ATP1A3: variants seen among roughly 807,000 people sequenced by gnomAD.
ATP1A3 encodes sodium/potassium-transporting ATPase subunit alpha-3.
In ATP1A3, 12 loss-of-function variants were observed where a neutral mutation model predicts 108.8. The ratio of observed to expected loss-of-function variants is 0.11; its 90% CI spans 0.07 to 0.18. The LOEUF (loss-of-function observed/expected upper bound fraction) is 0.18, where lower values mean the gene tolerates loss of function less well. ATP1A3 is among the 10% of genes least tolerant of loss of function. ATP1A3 has a pLI of 1.00. For missense variants in ATP1A3, 498 were observed against 1,387.7 expected (o/e 0.36, Z 10.19); for synonymous variants, 539 against 564.5 (o/e 0.95, Z 0.64).
intron 1 of ATP1A3, chr19:41,993,300 A>G: frequency 7.7e-7 from 1 of 1,293,290 alleles, no homozygotes; most frequent in Non-Finnish European, 1.1e-6. Flanking sequence ...ACAAGGACAC[A>G]CGGACACAGA....
Position 41,968,670 on chromosome 19 carries a change from T to C in ATP1A3, c.2819+115A>G. ...CAGTCTGGGTGACAGAGTGAGACCC[T>C]GCCTCAACAAAACAACAAAAAACCA... On this transcript the variant is annotated intron_variant, in intron 20 of 22. Transcript: ENST00000648268. The surrounding 1 kb of genome is among the most constrained non-coding windows in gnomAD (Gnocchi z 5.0). The C allele has an allele frequency of 6.6e-7, 1 of 1,510,732 alleles. No homozygotes were observed. The allele number at this position is 1,510,732 out of a possible 1,614,324, so 93.6% of individuals were successfully genotyped here. A position where few individuals can be genotyped will look rare whatever the true frequency, so the allele number is the denominator to read the frequency against.
At position 41,975,714 on chromosome 19, in the gene ATP1A3, G is replaced by A. The variant is rs782806766; in HGVS notation, c.2178C>T (p.Ile726=). The stretch of plus-strand genomic sequence containing the variant: ...CCTGCTTGGAGACGTCAGAGCCAGC[G>A]ATGCCCATGGCCACCCCAATGTCGG... The part of the protein sequence containing the change: ...KKADIGVAMG[I]AGSDVSKQAA... Residue 726 remains isoleucine, a synonymous_variant, in exon 16 of 23, where the codon ATC becomes ATT. Transcript: ENST00000648268. 1.7e-5 allele frequency: 28 copies of A among 1,613,998 alleles called. No homozygotes were observed. The Admixed American group carries it at 2.5e-4, about 14-fold the overall frequency.
intron 1 of ATP1A3, among the ~76,000 whole-genome samples, chr19:41,991,117 G>C (rs373309173): frequency 6.6e-6 from 1 of 152,156 alleles, no homozygotes; most frequent in African/African-American, 2.4e-5. Context: ...GGCAGTGTCC[G>C]AGGCTGGTGG....
Position 41,984,748 on chromosome 19 carries a change from C to T in ATP1A3, c.993+170G>A, listed in dbSNP as rs1333014381. The T allele has an allele frequency of 1.9e-5, 15 of 794,280 alleles. No homozygotes were observed. In the African/African-American group the frequency reaches 1.9e-4, roughly 10 times the overall value. 49.2% of individuals were successfully genotyped at this position (794,280 alleles called of 1,614,324 possible). A position where few individuals can be genotyped will look rare whatever the true frequency, so the allele number is the denominator to read the frequency against. Reference sequence around the variant, plus strand: ...TGATCCAGGCCCCCAGCCCCTTCTCCGGACCCAGGGGTCCAGATCCCAGCC... The same window carrying T: ...TGATCCAGGCCCCCAGCCCCTTCTCTGGACCCAGGGGTCCAGATCCCAGCC... On this transcript the variant is annotated intron_variant, in intron 8 of 22. Transcript: ENST00000648268.
rs782335069 is a variant in ATP1A3 at position 41,978,193 on chromosome 19, G to A, written c.1764C>T (p.Ala588=). Reference sequence around the variant, plus strand: ...GACACTTGCCCACCGCGTCAGGGACGGCTGCCCGGGGTGGGTCGATCATGG... The same window carrying A: ...GACACTTGCCCACCGCGTCAGGGACAGCTGCCCGGGGTGGGTCGATCATGG... ...LMSMIDPPRA[A]VPDAVGKCRS... is the part of the protein sequence containing the mutation. Residue 588 remains alanine (A), a synonymous_variant, in exon 13 of 23, where the codon GCC becomes GCT. Transcript: ENST00000648268. The surrounding 1 kb of genome is among the most constrained non-coding windows in gnomAD (Gnocchi z 8.3). The A allele has an allele frequency of 9.3e-6, 15 of 1,614,098 alleles. No homozygotes were observed. Among genetic ancestry groups the A allele is most frequent in the African/African-American group, 1.3e-5 (1 of 74,940 alleles).
At chr19:41,993,867 G>A in intron 1 of ATP1A3, 1 of 944,660 alleles carries the variant, frequency 1.1e-6, no homozygotes, top group South Asian at 1.7e-5. Context: ...CGCACACAAA[G>A]CCATGCCAAC....
intron 1 of ATP1A3, chr19:41,993,734 C>T: frequency 1.7e-6 from 1 of 602,142 alleles, no homozygotes; most frequent in South Asian, 2.0e-5. Context: ...CCACGGGGCC[C>T]ACACACTCGC....
intron 16 of ATP1A3, among the ~76,000 whole-genome samples, chr19:41,972,832 A>C (rs2075125160): frequency 7.5e-6 from 1 of 133,662 alleles, no homozygotes; most frequent in South Asian, 2.6e-4. Context: ...GAAGGAAGGA[A>C]GGAAGGAAGG....
intron 1 of ATP1A3, chr19:41,993,263 G>T: frequency 2.2e-6 from 2 of 894,430 alleles, no homozygotes; most frequent in Non-Finnish European, 3.5e-6. Flanking sequence ...GAGGGAGGCG[G>T]CATCTGCTGG....
Position 41,988,038 on chromosome 19 carries a change from C to T in ATP1A3, c.255G>A (p.Gln85=), listed in dbSNP as rs1555866021. ...TTPEWVKFCR[Q]LFGGFSILLW... ...GCAGGATGGAGAAGCCCCCGAAGAG[C>T]TGCCGGCAAAACTTGACCCACTCTG... Residue 85 remains glutamine, a synonymous_variant, in exon 4 of 23, where the codon CAG becomes CAA. Coordinates refer to ENST00000648268, the MANE Select transcript of ATP1A3 (RefSeq NM_152296.5). This position sits in a 1 kb window ranked among gnomAD's most constrained non-coding sequence, Gnocchi z 5.3. 6 of 1,614,162 alleles carry T rather than the reference C, an allele frequency of 3.7e-6. No individual in the cohort carries two copies. The highest frequency in any genetic ancestry group is 5.1e-6 in the Non-Finnish European group (6 of 1,180,018).
Position 41,967,723 on chromosome 19 carries a change from G to A in ATP1A3, c.2860C>T (p.Leu954=), listed in dbSNP as rs1055403265. 3.1e-6 allele frequency: 5 copies of A among 1,614,104 alleles called. No homozygotes were observed. Among genetic ancestry groups the A allele is most frequent in the Non-Finnish European group, 4.2e-6 (5 of 1,179,986 alleles). ...GGGCAGTAGGACAGGAAGGCAGCCA[G>A]GGCCGTCTCCTCAAACAGCCCGAAG... ...LIFGLFEETA[L]AAFLSYCPGM... Residue 954 remains leucine (L), a synonymous_variant, in exon 21 of 23, where the codon CTG becomes TTG. Transcript: ENST00000648268. The surrounding 1 kb of genome is among the most constrained non-coding windows in gnomAD (Gnocchi z 4.2).
Position 41,978,917 on chromosome 19 carries a change from C to T in ATP1A3, c.1438-119G>A. On this transcript the variant is annotated intron_variant, in intron 11 of 22. Coordinates refer to ENST00000648268, the MANE Select transcript of ATP1A3 (RefSeq NM_152296.5). The surrounding 1 kb of genome is among the most constrained non-coding windows in gnomAD (Gnocchi z 8.3). ...AGGATAGGCCCACACCAGGGCTCCC[C>T]CACACTCTCTCACAGAGACCTCTGC... is the stretch of plus-strand genomic sequence containing the variant. 4.5e-6 allele frequency: 4 copies of T among 885,954 alleles called. No homozygotes were observed. The highest frequency in any genetic ancestry group is 5.3e-6 in the Non-Finnish European group (3 of 562,364). 54.9% of individuals were successfully genotyped at this position (885,954 alleles called of 1,614,324 possible).
chr19:41,991,707 C>T (rs756388880), intron 1 of ATP1A3, among the ~76,000 whole-genome samples: 6 of 152,040 alleles, frequency 3.9e-5, no homozygotes, highest in African/African-American at 1.4e-4. Context: ...CTGGGCCGGA[C>T]TCTCAGATAC....
chr19:41,982,245 C>A (rs552237985), intron 8 of ATP1A3, 139 bp from the exon 9 acceptor site: 72 of 1,382,834 alleles, frequency 5.2e-5, no homozygotes, highest in Non-Finnish European at 7.1e-5. Context: ...CAGCACCCAG[C>A]AATGCCACCC....
intron 14 of ATP1A3, among the ~76,000 whole-genome samples, chr19:41,977,344 T>C (rs1464158704): frequency 3.3e-5 from 5 of 152,066 alleles, no homozygotes; most frequent in Non-Finnish European, 7.4e-5. Flanking sequence ...CTGAAGTTCA[T>C]GGATGCTAAA....
rs376980756 is a variant in ATP1A3 at position 41,967,472 on chromosome 19, G to A, written c.2922-132C>T. 2.7e-5 allele frequency: 33 copies of A among 1,236,066 alleles called. No homozygotes were observed. The African/African-American group carries it at 3.3e-4, about 12-fold the overall frequency. The allele number at this position is 1,236,066 out of a possible 1,614,324, so 76.6% of individuals were successfully genotyped here. A position where few individuals can be genotyped will look rare whatever the true frequency, so the allele number is the denominator to read the frequency against. On this transcript the variant is annotated intron_variant, in intron 21 of 22. Transcript: ENST00000648268. The surrounding 1 kb of genome is among the most constrained non-coding windows in gnomAD (Gnocchi z 4.2). ...CTCACAGGTGGAGGGTGCCCTGGGC[G>A]GGGCTGGGGCCTGGGGTCTTCGGAG...
intron 16 of ATP1A3, 44 bp from the exon 17 acceptor site, chr19:41,970,586 C>G (rs781834105): frequency 6.2e-7 from 1 of 1,609,712 alleles, no homozygotes; most frequent in African/African-American, 1.3e-5. Flanking sequence ...TGCCAGGGAG[C>G]CCCACTCCCT....
Position 41,970,276 on chromosome 19 carries a change from G to C in ATP1A3, c.2451C>G (p.Ala817=). ...GCTGTCTCTTCATGATGTCGCTTTC[G>C]GCAGCCTCGTACGCCAGTGAGATGG... ...VPAISLAYEA[A]ESDIMKRQPR... The change falls in exon 18 of 23, where the codon GCC becomes GCG. Residue 817 remains alanine, a synonymous_variant. Coordinates refer to ENST00000648268, the MANE Select transcript of ATP1A3 (RefSeq NM_152296.5). 1.2e-6 allele frequency: 2 copies of C among 1,614,142 alleles called. No individual in the cohort carries two copies. Among genetic ancestry groups the C allele is most frequent in the South Asian group, 1.1e-5 (1 of 91,086 alleles).
chr19:41,988,733 C>T lies in ATP1A3; in HGVS notation c.7-171G>A, dbSNP rs1386597099. On this transcript the variant is annotated intron_variant, in intron 1 of 22. Transcript: ENST00000648268. This position sits in a 1 kb window ranked among gnomAD's most constrained non-coding sequence, Gnocchi z 5.3. ...GGGGTCTCCCTGTGTCTCCCGGAGC[C>T]TCTGGGTGACTTCACCTCCCTTCTG... 5 of 1,380,728 alleles carry T rather than the reference C, an allele frequency of 3.6e-6. No individual in the cohort carries two copies. Among genetic ancestry groups the T allele is most frequent in the Non-Finnish European group, 4.8e-6 (5 of 1,034,048 alleles). The allele number at this position is 1,380,728 out of a possible 1,614,324, so 85.5% of individuals were successfully genotyped here. A position where few individuals can be genotyped will look rare whatever the true frequency, so the allele number is the denominator to read the frequency against.
Sources: allele counts gnomAD v4.1 joint callset (sites outside exome capture counted in the v4.1 genomes callset), GRCh38; gene constraint gnomAD v4.1.1; non-coding constraint Gnocchi (gnomAD v3.1); transcripts MANE v1.5; gene names NCBI Gene and HGNC (gene_info 2026-07-23, HGNC 2026-07-21).